LRRC4C: variants seen among roughly 807,000 people sequenced by gnomAD.
LRRC4C encodes the protein leucine-rich repeat-containing protein 4C.
In LRRC4C, 5 loss-of-function variants were observed where a neutral mutation model predicts 33.6. The observed-to-expected ratio is 0.15, with a 90% CI of 0.08 to 0.31. The LOEUF is 0.31. Among genes scored for constraint, LRRC4C ranks in the 10% least tolerant of loss-of-function variants. The pLI, the probability that LRRC4C is intolerant of heterozygous loss-of-function variation, is 1.00. For synonymous variants in LRRC4C, 329 were observed against 302.0 expected, an observed-to-expected ratio of 1.09 and a Z score of -0.93; for missense variants, 560 against 796.7, an observed-to-expected ratio of 0.70 and a Z score of 3.58.
At chr11:40,261,786 A>G (rs921755090) in intron 4 of LRRC4C, among the ~76,000 whole-genome samples, 2 of 152,108 alleles carry the variant, frequency 1.3e-5, no homozygotes, top group Admixed American at 6.6e-5. Flanking sequence ...GGCTAGCCAT[A>G]TGCAGAAAAC....
chr11:41,184,128 G>A (rs1246127788), intron 1 of LRRC4C, among the ~76,000 whole-genome samples: 1 of 152,198 alleles, frequency 6.6e-6, no homozygotes, highest in Non-Finnish European at 1.5e-5. Context: ...TGTAATGGGA[G>A]GGGCTGCTGT....
intron 2 of LRRC4C, among the ~76,000 whole-genome samples, chr11:40,673,258 G>A (rs1404958859): frequency 2.6e-5 from 4 of 152,046 alleles, no homozygotes; most frequent in Admixed American, 1.3e-4. Context: ...TAGGAGAAGG[G>A]CAGTTCTCAT....
chr11:41,407,039 T>C (rs1158293908), intron 1 of LRRC4C, among the ~76,000 whole-genome samples: 2 of 152,192 alleles, frequency 1.3e-5, no homozygotes, highest in Non-Finnish European at 2.9e-5. Flanking sequence ...GTTTTTCTAA[T>C]ATACATTGTC....
At chr11:40,450,739 C>A (rs1460105518) in intron 3 of LRRC4C, among the ~76,000 whole-genome samples, 2 of 149,348 alleles carry the variant, frequency 1.3e-5, no homozygotes, top group Non-Finnish European at 3.0e-5. Flanking sequence ...CATCAGTTTA[C>A]CTATACAACA....
intron 1 of LRRC4C, among the ~76,000 whole-genome samples, chr11:41,038,057 C>T (rs1042158087): frequency 6.6e-6 from 1 of 152,150 alleles, no homozygotes; most frequent in African/African-American, 2.4e-5. Flanking sequence ...TCTGTGTCTA[C>T]GAGACAATCT....
intron 2 of LRRC4C, among the ~76,000 whole-genome samples, chr11:40,669,754 T>G (rs1943993187): frequency 6.6e-6 from 1 of 152,234 alleles, no homozygotes; most frequent in African/African-American, 2.4e-5. Flanking sequence ...GGAAGAGATA[T>G]CATCTGTCAC....
intron 1 of LRRC4C, among the ~76,000 whole-genome samples, chr11:41,201,560 T>TA (rs1281667909): frequency 6.6e-6 from 1 of 152,172 alleles, no homozygotes; most frequent in Non-Finnish European, 1.5e-5. Context: ...TGGCCCAAGC[T>TA]ACCGTTTTTC....
At chr11:40,955,213 G>A (rs1421041342) in intron 1 of LRRC4C, among the ~76,000 whole-genome samples, 1 of 151,812 alleles carries the variant, frequency 6.6e-6, no homozygotes, top group Non-Finnish European at 1.5e-5. Flanking sequence ...AACAGCCCAA[G>A]AGATTCAATT....
chr11:40,220,345 A>T (rs1864312310), intron 5 of LRRC4C, among the ~76,000 whole-genome samples: 1 of 152,208 alleles, frequency 6.6e-6, no homozygotes, highest in African/African-American at 2.4e-5. Context: ...GGCTTTTCAT[A>T]TATATGTTAT....
At chr11:41,431,445 T>C (rs1486155565) in intron 1 of LRRC4C, among the ~76,000 whole-genome samples, 2 of 151,946 alleles carry the variant, frequency 1.3e-5, no homozygotes, top group South Asian at 2.1e-4. Context: ...GGTCCACCAA[T>C]GTAGGTATAA....
At chr11:41,109,375 G>C (rs948158849) in intron 1 of LRRC4C, among the ~76,000 whole-genome samples, 2 of 151,972 alleles carry the variant, frequency 1.3e-5, no homozygotes, top group East Asian at 3.9e-4. Context: ...ATATAATTAT[G>C]AATTTGAAGA....
intron 1 of LRRC4C, among the ~76,000 whole-genome samples, chr11:41,090,774 T>C (rs548280391): frequency 1.3e-5 from 2 of 152,246 alleles, no homozygotes; most frequent in African/African-American, 4.8e-5. Context: ...GAGGGTTTTA[T>C]AAGGCAGTTA....
intron 2 of LRRC4C, among the ~76,000 whole-genome samples, chr11:40,878,259 C>T (rs1273742376): frequency 1.3e-5 from 2 of 152,118 alleles, no homozygotes; most frequent in African/African-American, 2.4e-5. Context: ...TCACCTGCCA[C>T]AGTAAAGCCT....
chr11:40,295,953 T>C (rs1944491229), intron 4 of LRRC4C, among the ~76,000 whole-genome samples: 1 of 152,224 alleles, frequency 6.6e-6, no homozygotes, highest in African/African-American at 2.4e-5. Flanking sequence ...CTGCACTAGA[T>C]AGCTTCAAAG....
At chr11:41,382,333 T>C (rs1025342811) in intron 1 of LRRC4C, among the ~76,000 whole-genome samples, 10 of 152,060 alleles carry the variant, frequency 6.6e-5, no homozygotes, top group Non-Finnish European at 1.0e-4. Flanking sequence ...ATCAAAGTGA[T>C]GCTAGGATTG....
At chr11:41,437,020 A>G (rs1955451502) in intron 1 of LRRC4C, among the ~76,000 whole-genome samples, 1 of 152,224 alleles carries the variant, frequency 6.6e-6, no homozygotes, top group Admixed American at 6.5e-5. Context: ...TAGTATCTCC[A>G]TTCTGCCCTA....
chr11:40,974,577 T>C (rs971720192), intron 1 of LRRC4C, among the ~76,000 whole-genome samples: 1 of 152,204 alleles, frequency 6.6e-6, no homozygotes, highest in East Asian at 1.9e-4. Flanking sequence ...TTCAAGCTTG[T>C]CAATATTATA....
At chr11:40,192,085 ATGAT>A (rs1861890328) in intron 5 of LRRC4C, among the ~76,000 whole-genome samples, 1 of 152,180 alleles carries the variant, frequency 6.6e-6, no homozygotes, top group South Asian at 2.1e-4. Context: ...AGACATTGAT[ATGAT>A]TGATCATATC....
intron 1 of LRRC4C, among the ~76,000 whole-genome samples, chr11:41,362,533 G>C (rs1952390812): frequency 1.3e-5 from 2 of 151,766 alleles, no homozygotes. Context: ...GAATCATTCA[G>C]AATCACTAAG....
Sources: gnomAD v4.1 joint callset for allele counts (sites outside exome capture counted in the v4.1 genomes callset) on GRCh38, gnomAD v4.1.1 for gene constraint, MANE v1.5 for transcripts, NCBI Gene and HGNC (gene_info 2026-07-23, HGNC 2026-07-21) for gene names.